Variants in CDC14A observed in about 807,000 individuals in gnomAD.
CDC14A encodes cell division cycle 14A.
CDC14A carries 53 observed loss-of-function variants against 74.4 expected under a neutral mutation model. The ratio of observed to expected loss-of-function variants is 0.71; its 90% CI spans 0.57 to 0.89. The LOEUF (loss-of-function observed/expected upper bound fraction) is 0.89. Among genes scored for constraint, CDC14A ranks in the 40% least tolerant of loss-of-function variants. The pLI, the probability that CDC14A is intolerant of heterozygous loss-of-function variation, is 0.00. For synonymous variants in CDC14A, 247 were observed against 258.4 expected (o/e 0.96, Z 0.43); for missense variants, 646 against 713.7 (o/e 0.91, Z 1.08).
At chr1:100,406,857 T>C (rs1263122140) in intron 4 of CDC14A, among the ~76,000 whole-genome samples, 1 of 149,290 alleles carries the variant, frequency 6.7e-6, no homozygotes, top group Non-Finnish European at 1.5e-5. Context: ...ACCCAGGAGG[T>C]GGAGGCTGCA....
In CDC14A at chr1:100,352,847, T is replaced by C; in HGVS notation, c.-108T>C. On this transcript the variant is annotated 5_prime_UTR_variant, in exon 1 of 16. Coordinates refer to ENST00000336454, the MANE Select transcript of CDC14A (RefSeq NM_003672.4). ...TGCTGCCTCCCTCGGCCAGGCTTGT[T>C]GTTCGGGACTGTGAGCTTCCTGGCT... 1 of 1,554,640 alleles carries C rather than the reference T, an allele frequency of 6.4e-7. No homozygotes were observed. Among genetic ancestry groups the C allele is most frequent in the Non-Finnish European group, 8.7e-7 (1 of 1,153,776 alleles).
intron 11 of CDC14A, chr1:100,485,897 A>C (rs908714834): frequency 6.6e-6 from 1 of 152,226 alleles, no homozygotes; most frequent in Admixed American, 6.5e-5. Context: ...ATGGCTGCTG[A>C]TGAGGTGACT....
chr1:100,353,941 C>T (rs1557673206), intron 2 of CDC14A, 89 bp downstream of exon 2: 2 of 712,990 alleles, frequency 2.8e-6, no homozygotes, highest in Non-Finnish European at 4.9e-6. Flanking sequence ...CAGTTTTATT[C>T]ATTTCCCCCC....
intron 5 of CDC14A, among the ~76,000 whole-genome samples, chr1:100,431,226 T>C (rs1389690377): frequency 6.6e-6 from 1 of 152,140 alleles, no homozygotes; most frequent in Non-Finnish European, 1.5e-5. Flanking sequence ...TGAGTTATAT[T>C]ATTCTATTTT....
At chr1:100,437,321 T>C (rs921785621) in intron 5 of CDC14A, among the ~76,000 whole-genome samples, 3 of 152,216 alleles carry the variant, frequency 2.0e-5, no homozygotes, top group African/African-American at 7.2e-5. Flanking sequence ...TATTTTCCTG[T>C]GACTACGTAT....
intron 10 of CDC14A, among the ~76,000 whole-genome samples, chr1:100,483,624 A>G (rs1401453684): frequency 2.0e-5 from 3 of 152,208 alleles, no homozygotes; most frequent in Non-Finnish European, 2.9e-5. Flanking sequence ...AATCCTCAGA[A>G]TGTCATTTTG....
intron 5 of CDC14A, among the ~76,000 whole-genome samples, chr1:100,432,109 T>C (rs1663761647): frequency 6.6e-6 from 1 of 152,220 alleles, no homozygotes. Context: ...TTTGTTGTTG[T>C]TGTTGTTAGG....
intron 2 of CDC14A, 70 bp downstream of exon 2, chr1:100,353,922 CTTTTATGGCAG>C (rs1311045884): frequency 1.2e-6 from 1 of 817,286 alleles, no homozygotes; most frequent in Non-Finnish European, 2.0e-6. Flanking sequence ...ACACTATGCA[CTTTTATGGCAG>C]TTTTATTCAT....
Position 100,440,005 on chromosome 1 carries a change from A to G in CDC14A, c.456+7A>G, listed in dbSNP as rs1206120229. ...TTTGCAGGGAATCAGAAAGGTAATAACAATTCTCCTTGCTGTAGTTGACAC... is the reference window on the plus strand; with the variant it reads ...TTTGCAGGGAATCAGAAAGGTAATAGCAATTCTCCTTGCTGTAGTTGACAC... On this transcript the variant is annotated splice_region_variant and intron_variant, in intron 6 of 15. Coordinates refer to ENST00000336454, the MANE Select transcript of CDC14A (RefSeq NM_003672.4). The G allele has an allele frequency of 6.2e-7, 1 of 1,603,896 alleles. No individual in the cohort carries two copies. The highest frequency in any genetic ancestry group is 8.5e-7 in the Non-Finnish European group (1 of 1,170,876).
chr1:100,400,642 G>A (rs1659130783), intron 4 of CDC14A, among the ~76,000 whole-genome samples: 1 of 152,152 alleles, frequency 6.6e-6, no homozygotes, highest in Non-Finnish European at 1.5e-5. Flanking sequence ...TTGTAGGCTT[G>A]TATTTTTGGT....
At chr1:100,462,311 AC>A in intron 8 of CDC14A, 1 of 264,112 alleles carries the variant, frequency 3.8e-6, no homozygotes, top group South Asian at 4.6e-5. Flanking sequence ...GAATAAAGTC[AC>A]CATTCTAGGT....
chr1:100,385,206 T>A (rs1036993438), intron 3 of CDC14A, among the ~76,000 whole-genome samples: 1 of 152,198 alleles, frequency 6.6e-6, no homozygotes, highest in Non-Finnish European at 1.5e-5. Context: ...TTCCCAGGGG[T>A]GGGACCAGTT....
At chr1:100,514,652 T>C (rs1039144248) in intron 15 of CDC14A, among the ~76,000 whole-genome samples, 1 of 152,222 alleles carries the variant, frequency 6.6e-6, no homozygotes. Context: ...GAATTGGGGC[T>C]AATTACTGCT....
intron 2 of CDC14A, 81 bp from the exon 3 acceptor site, chr1:100,377,465 T>C (rs1312713171): frequency 2.3e-6 from 2 of 888,688 alleles, no homozygotes; most frequent in Non-Finnish European, 3.6e-6. Context: ...GTAAATTTAA[T>C]GAAATTAAAG....
intron 6 of CDC14A, among the ~76,000 whole-genome samples, chr1:100,442,343 TA>T (rs1187515196): frequency 6.8e-6 from 1 of 146,470 alleles, no homozygotes; most frequent in African/African-American, 2.5e-5. Flanking sequence ...GTATTATATA[TA>T]AATATACTAT....
At chr1:100,495,944 G>T (rs1647717166) in intron 12 of CDC14A, 58 bp from the exon 13 acceptor site, 5 of 1,408,414 alleles carry the variant, frequency 3.6e-6, no homozygotes, top group East Asian at 2.3e-5. Context: ...GTGCCTTGTG[G>T]TCTTTGTGAA....
At chr1:100,371,238 C>T (rs1209358571) in intron 2 of CDC14A, among the ~76,000 whole-genome samples, 1 of 152,150 alleles carries the variant, frequency 6.6e-6, no homozygotes, top group Non-Finnish European at 1.5e-5. Context: ...ATCATTATAT[C>T]GTCAGTGGAA....
upstream of CDC14A, chr1:100,351,678 G>C (rs987802434): frequency 2.5e-5 from 36 of 1,445,516 alleles, no homozygotes; most frequent in Middle Eastern, 5.7e-4. Context: ...CTCCGGGACC[G>C]GAGCACTGTA....
rs779419692 is a variant in CDC14A at position 100,508,192 on chromosome 1, G to C, written c.1755+8930G>C. Among the ~76,000 whole-genome samples, 1 of 151,786 alleles carries C rather than the reference G, an allele frequency of 6.6e-6. No individual in the cohort carries two copies. Among genetic ancestry groups the C allele is most frequent in the African/African-American group, 2.4e-5 (1 of 41,296 alleles). Reference sequence around the variant, plus strand: ...TCAGGGGCTATATCTTTCTTTTCCAGCATTTCTAATTTGATCCTTATGATA... The same window carrying C: ...TCAGGGGCTATATCTTTCTTTTCCACCATTTCTAATTTGATCCTTATGATA... On this transcript the variant is annotated intron_variant, in intron 15 of 15. Transcript: ENST00000336454. This position sits in a 1 kb window ranked among gnomAD's most constrained non-coding sequence, Gnocchi z 4.4.
Sources: gnomAD v4.1 joint callset for allele counts (sites outside exome capture counted in the v4.1 genomes callset) on GRCh38, gnomAD v4.1.1 for gene constraint, Gnocchi (gnomAD v3.1) non-coding constraint, MANE v1.5 for transcripts, NCBI Gene and HGNC (gene_info 2026-07-23, HGNC 2026-07-21) for gene names.